The following PSMD1 variants were observed in gnomAD, a reference collection of about 807,000 sequenced individuals.
PSMD1 encodes the protein proteasome 26S subunit, non-ATPase 1.
A neutral mutation model predicts 119.0 loss-of-function variants in PSMD1; 18 were observed. That is an observed-to-expected ratio of 0.15 (90% CI 0.10 to 0.22). The LOEUF (loss-of-function observed/expected upper bound fraction) is 0.22. Ranked by LOEUF, PSMD1 falls within the 10% of genes least tolerant of loss-of-function variation. The pLI is 1.00. For missense variants in PSMD1, 702 were observed against 1,158.5 expected, an observed-to-expected ratio of 0.61 and a Z score of 5.72; for synonymous variants, 374 against 396.6, an observed-to-expected ratio of 0.94 and a Z score of 0.68.
At chr2:231,057,067 T>G (rs1249349338) in intron 1 of PSMD1, 26 bp downstream of exon 1, 4 of 1,501,318 alleles carry the variant, frequency 2.7e-6, no homozygotes, top group African/African-American at 2.9e-5. Flanking sequence ...AGCCAGCGCC[T>G]GGAGGGAGGA....
intron 16 of PSMD1, among the ~76,000 whole-genome samples, chr2:231,116,422 T>G (rs1695336505): frequency 6.6e-6 from 1 of 152,118 alleles, no homozygotes; most frequent in African/African-American, 2.4e-5. Context: ...AAGTCCTTAC[T>G]CTCTCTGTAA....
At chr2:231,136,589 A>T (rs1052390138) in intron 16 of PSMD1, among the ~76,000 whole-genome samples, 3 of 152,202 alleles carry the variant, frequency 2.0e-5, no homozygotes, top group African/African-American at 7.2e-5. Flanking sequence ...GCAAAATAAA[A>T]TGCAAATTGC....
rs749960821 is a variant in PSMD1, at chr2:231,170,569, T to C, written c.2719T>C (p.Ser907Pro). Residue 907 changes from serine (S) to proline (P), a missense_variant, in exon 24 of 25, where the codon TCT becomes CCT. Coordinates refer to ENST00000308696, the MANE Select transcript of PSMD1 (RefSeq NM_002807.4). The surrounding 1 kb of genome is among the most constrained non-coding windows in gnomAD (Gnocchi z 4.1). ...CTGCACGCCCCTGTGTTTCCAGCTC[T>C]CTATTGGAGGCATCATCATTCTGAA... Reference protein sequence around the residue: ...TCRYQPFKPLSIGGIIILKDT... With the variant: ...TCRYQPFKPLPIGGIIILKDT... 3 of 1,608,922 alleles carry C rather than the reference T, an allele frequency of 1.9e-6. No homozygotes were observed. Among genetic ancestry groups the C allele is most frequent in the Admixed American group, 1.7e-5 (1 of 58,674 alleles).
At chr2:231,092,124 G>A (rs1486134631) in intron 16 of PSMD1, among the ~76,000 whole-genome samples, 1 of 152,160 alleles carries the variant, frequency 6.6e-6, no homozygotes, top group African/African-American at 2.4e-5. Flanking sequence ...AGACTATAAA[G>A]GTTTTATAAG....
intron 16 of PSMD1, among the ~76,000 whole-genome samples, chr2:231,120,070 G>C (rs1695484063): frequency 6.6e-6 from 1 of 151,098 alleles, no homozygotes; most frequent in South Asian, 2.1e-4. Context: ...TCCTGCCTCA[G>C]TCTCCCGAGT....
chr2:231,079,962 G>GT (rs1361681953), intron 11 of PSMD1, among the ~76,000 whole-genome samples, 179 bp from the exon 12 acceptor site: 3 of 152,106 alleles, frequency 2.0e-5, no homozygotes, highest in Admixed American at 2.0e-4. Context: ...GTGTAACTGG[G>GT]TCTCTTTAAA....
intron 6 of PSMD1, among the ~76,000 whole-genome samples, chr2:231,070,777 G>A (rs1301808904): frequency 6.6e-6 from 1 of 151,902 alleles, no homozygotes; most frequent in Non-Finnish European, 1.5e-5. Flanking sequence ...TGACTGTATT[G>A]TATTTTATTG....
intron 16 of PSMD1, among the ~76,000 whole-genome samples, chr2:231,092,280 T>G (rs1475641672): frequency 1.3e-5 from 2 of 152,064 alleles, no homozygotes; most frequent in Admixed American, 6.5e-5. Context: ...ATATTTAAAT[T>G]AGATATAATT....
intron 17 of PSMD1, chr2:231,139,123 TG>T (rs1574763922): frequency 4.5e-6 from 2 of 447,510 alleles, no homozygotes; most frequent in East Asian, 4.6e-5. Flanking sequence ...TTTTTGTTTT[TG>T]TTTTTTTTGT....
chr2:231,120,688 A>T (rs1445159327), intron 16 of PSMD1, among the ~76,000 whole-genome samples: 5 of 152,254 alleles, frequency 3.3e-5, no homozygotes, highest in East Asian at 1.9e-4. Flanking sequence ...TCTTATTTTT[A>T]AAATTTCATT....
chr2:231,087,300 T>C, intron 16 of PSMD1, 119 bp downstream of exon 16: 3 of 769,380 alleles, frequency 3.9e-6, no homozygotes, highest in Non-Finnish European at 6.4e-6. Flanking sequence ...CTGAGGAGTA[T>C]ATCTGGGTTC....
Position 231,146,301 on chromosome 2 carries a change from C to T in PSMD1, c.2060C>T (p.Ala687Val), listed in dbSNP as rs1190355416. 6.2e-7 allele frequency: 1 copy of T among 1,613,706 alleles called. No individual in the cohort carries two copies. The highest frequency in any genetic ancestry group is 1.7e-5 in the Admixed American group (1 of 59,990). ...NDPVNYVRQG[A>V]LIASALIMIQ... The stretch of plus-strand genomic sequence containing the variant: ...CCCGTGAACTACGTGAGGCAAGGGG[C>T]ACTCATAGCTTCAGCTCTCATCATG... Residue 687 changes from alanine (A) to valine (V), a missense_variant, in exon 18 of 25, where the codon GCA (alanine) becomes GTA (valine). Coordinates refer to ENST00000308696, the MANE Select transcript of PSMD1 (RefSeq NM_002807.4).
intron 23 of PSMD1, among the ~76,000 whole-genome samples, chr2:231,169,454 A>G (rs1445863779): frequency 6.6e-6 from 1 of 152,156 alleles, no homozygotes; most frequent in Non-Finnish European, 1.5e-5. Flanking sequence ...ATCCTCTTCA[A>G]GGAAAGCAAA....
At chr2:231,128,258 G>A (rs1695771818) in intron 16 of PSMD1, among the ~76,000 whole-genome samples, 1 of 152,186 alleles carries the variant, frequency 6.6e-6, no homozygotes, top group Non-Finnish European at 1.5e-5. Context: ...AACATTTTCT[G>A]TCCTCATGTA....
At position 231,082,341 on chromosome 2, in the gene PSMD1, C is replaced by G. The variant is rs1694329405; in HGVS notation, c.1414-542C>G. ...TCAGCCTCCTAAAGTGCCGGGATTA[C>G]AAGCATGAGCCACCAGTCCAGCCTC... On this transcript the variant is annotated intron_variant, in intron 12 of 24. Transcript: ENST00000308696. Among the ~76,000 whole-genome samples, 3 of 152,330 alleles carry G rather than the reference C, an allele frequency of 2.0e-5. No individual in the cohort carries two copies. In the Middle Eastern group the frequency reaches 0.01, roughly 518 times the overall value.
chr2:231,104,474 A>G (rs1219924123), intron 16 of PSMD1, among the ~76,000 whole-genome samples: 1 of 152,206 alleles, frequency 6.6e-6, no homozygotes, highest in Non-Finnish European at 1.5e-5. Flanking sequence ...AATTTTGTCT[A>G]AAATTTATTT....
In PSMD1 at chr2:231,121,979, A is replaced by C. The variant is rs559821912; in HGVS notation, c.1884-16757A>C. Among the ~76,000 whole-genome samples, 9 of 152,108 alleles carry C rather than the reference A, an allele frequency of 5.9e-5. No individual in the cohort carries two copies. In the East Asian group the frequency reaches 1.7e-3, roughly 29 times the overall value. ...AGAATCATATGCCTGTACAGTATTT[A>C]TCAAATATGCATATATATTTCTACA... On this transcript the variant is annotated intron_variant, in intron 16 of 24. Coordinates refer to ENST00000308696, the MANE Select transcript of PSMD1 (RefSeq NM_002807.4).
chr2:231,083,855 C>T, intron 14 of PSMD1, 92 bp downstream of exon 14: 7 of 1,229,214 alleles, frequency 5.7e-6, no homozygotes, highest in Non-Finnish European at 8.0e-6. Context: ...CCCATCAGAA[C>T]ATGTAGGTAC....
chr2:231,116,128 T>A (rs1208987415), intron 16 of PSMD1, among the ~76,000 whole-genome samples: 1 of 152,182 alleles, frequency 6.6e-6, no homozygotes. Flanking sequence ...TTCTCACTCT[T>A]AGCCATAGCA....
Sources: allele counts gnomAD v4.1 joint callset (sites outside exome capture counted in the v4.1 genomes callset), GRCh38; gene constraint gnomAD v4.1.1; non-coding constraint Gnocchi (gnomAD v3.1); transcripts MANE v1.5; gene names NCBI Gene and HGNC (gene_info 2026-07-23, HGNC 2026-07-21).